Variants in GLIS3 observed in about 807,000 individuals in gnomAD.
GLIS3 encodes the protein zinc finger protein GLIS3.
In GLIS3, 53 loss-of-function variants were observed where a neutral mutation model predicts 78.6. The observed-to-expected ratio is 0.67, with a 90% CI of 0.54 to 0.85. The LOEUF (loss-of-function observed/expected upper bound fraction) is 0.85. Among genes scored for constraint, GLIS3 ranks in the 40% least tolerant of loss-of-function variants. The pLI is 0.00. For missense variants in GLIS3, 1,703 were observed against 1,231.1 expected (o/e 1.38, Z -5.74); for synonymous variants, 684 against 509.9 (o/e 1.34, Z -4.60).
chr9:4,229,104 T>C (rs1022399377), intron 2 of GLIS3, among the ~76,000 whole-genome samples: 1 of 152,166 alleles, frequency 6.6e-6, no homozygotes, highest in Non-Finnish European at 1.5e-5. Flanking sequence ...ACAGTGCGTA[T>C]GATATGCTAC....
intron 4 of GLIS3, among the ~76,000 whole-genome samples, chr9:3,980,336 G>A (rs752608314): frequency 6.6e-6 from 1 of 152,192 alleles, no homozygotes; most frequent in Non-Finnish European, 1.5e-5. Flanking sequence ...ACACCAAGAG[G>A]AGGCCCAGGT....
At chr9:4,032,317 G>A (rs1823906562) in intron 4 of GLIS3, among the ~76,000 whole-genome samples, 1 of 152,050 alleles carries the variant, frequency 6.6e-6, no homozygotes, top group Admixed American at 6.5e-5. Context: ...TCTAAAATCT[G>A]CATTCCAGCT....
At chr9:4,454,645 G>T in the GLIS3 span, among the ~76,000 whole-genome samples, 1 of 152,094 alleles carries the variant, frequency 6.6e-6, no homozygotes, top group Non-Finnish European at 1.5e-5. Flanking sequence ...TTCAGTAAAT[G>T]CATCTCTATT....
At chr9:3,975,822 C>T (rs867158496) in intron 4 of GLIS3, among the ~76,000 whole-genome samples, 38 of 152,110 alleles carry the variant, frequency 2.5e-4, no homozygotes, top group African/African-American at 9.2e-4. Context: ...TTCAAAACCT[C>T]TCTCTGCTTC....
chr9:4,125,979 T>A lies in GLIS3; in HGVS notation c.389-38A>T, dbSNP rs140633123. ...GAATCAGGTTAGCTTTCATGTCCCT[T>A]ACATCAGAAATCAGTAAATACAGAC... On this transcript the variant is annotated intron_variant, in intron 2 of 10. Coordinates refer to ENST00000381971, the MANE Select transcript of GLIS3 (RefSeq NM_001042413.2). 2.7e-6 allele frequency: 4 copies of A among 1,490,212 alleles called. No individual in the cohort carries two copies. The African/African-American group carries it at 5.5e-5, about 21-fold the overall frequency. The allele number at this position is 1,490,212 out of a possible 1,614,324, so 92.3% of individuals were successfully genotyped here. A position where few individuals can be genotyped will look rare whatever the true frequency, so the allele number is the denominator to read the frequency against.
intron 1 of GLIS3, chr9:4,298,415 G>A (rs1816790903): frequency 2.2e-6 from 1 of 455,320 alleles, no homozygotes; most frequent in African/African-American, 2.0e-5. Flanking sequence ...TGACAAATCA[G>A]CCAGGGCCAA....
At chr9:4,143,409 A>G (rs934570256) in intron 2 of GLIS3, among the ~76,000 whole-genome samples, 2 of 152,030 alleles carry the variant, frequency 1.3e-5, no homozygotes, top group African/African-American at 4.8e-5. Flanking sequence ...TCTACTAAAA[A>G]TACAAAAATT....
At chr9:4,398,938 T>G in the GLIS3 span, among the ~76,000 whole-genome samples, 1 of 152,118 alleles carries the variant, frequency 6.6e-6, no homozygotes, top group Admixed American at 6.5e-5. Context: ...CCACCTACCT[T>G]GGCCTCTCAA....
chr9:3,827,303 G>A lies in GLIS3; in HGVS notation c.*969C>T, dbSNP rs756499534. 6.6e-6 allele frequency: 1 copy of A among 152,244 alleles called. No homozygotes were observed. The highest frequency in any genetic ancestry group is 2.4e-5 in the African/African-American group (1 of 41,458). The allele number at this position is 152,244 out of a possible 1,614,324, so 9.4% of individuals were successfully genotyped here. A position where few individuals can be genotyped will look rare whatever the true frequency, so the allele number is the denominator to read the frequency against. ...CTGGCACATGACTCAGTCTGTCCCA[G>A]TTCTCACATCTGGCACTTCTCTGGG... On this transcript the variant is annotated 3_prime_UTR_variant, in exon 11 of 11. Transcript: ENST00000381971.
At chr9:4,480,803 G>C in the GLIS3 span, among the ~76,000 whole-genome samples, 48 of 147,776 alleles carry the variant, frequency 3.2e-4, no homozygotes, top group African/African-American at 1.2e-3. Flanking sequence ...ATATTTTCAA[G>C]TATACAAGTA....
At position 4,270,573 on chromosome 9, in the gene GLIS3, C is replaced by T. The variant is rs553440237; in HGVS notation, c.388+15465G>A. Among the ~76,000 whole-genome samples, 5 of 152,328 alleles carry T rather than the reference C, an allele frequency of 3.3e-5. No homozygotes were observed. In the East Asian group the frequency reaches 9.7e-4, roughly 29 times the overall value. On this transcript the variant is annotated intron_variant, in intron 2 of 10. Transcript: ENST00000381971. The stretch of plus-strand genomic sequence containing the variant: ...GGGTTGGACTGAGCCTCCAATTATT[C>T]TGTCTGCTGGCCAGAGGTCACACAG...
chr9:4,281,656 T>C (rs886993435), intron 2 of GLIS3, among the ~76,000 whole-genome samples: 2 of 152,364 alleles, frequency 1.3e-5, no homozygotes, highest in African/African-American at 2.4e-5. Context: ...TGTATGTATA[T>C]ACCACATTGG....
chr9:3,830,052 A>C (rs1293911421), intron 9 of GLIS3, among the ~76,000 whole-genome samples: 1 of 152,242 alleles, frequency 6.6e-6, no homozygotes, highest in African/African-American at 2.4e-5. Flanking sequence ...TCTATTGTTG[A>C]TCTTTGCAGT....
chr9:4,287,156 T>C (rs1022780062), intron 1 of GLIS3, among the ~76,000 whole-genome samples: 7 of 152,142 alleles, frequency 4.6e-5, no homozygotes, highest in East Asian at 1.9e-4. Context: ...TCCTGAGTTA[T>C]GGGGATGGGA....
At chr9:4,328,254 T>C (rs916090524) in intron 2 of GLIS3, among the ~76,000 whole-genome samples, 1 of 152,166 alleles carries the variant, frequency 6.6e-6, no homozygotes, top group Non-Finnish European at 1.5e-5. Flanking sequence ...ATGCCTCCTT[T>C]AGGGATTTCA....
intron 2 of GLIS3, among the ~76,000 whole-genome samples, chr9:4,344,756 G>A (rs553432273): frequency 1.4e-4 from 22 of 152,172 alleles, no homozygotes; most frequent in African/African-American, 5.1e-4. Context: ...CCTAAAATAG[G>A]TCCCTTACCA....
intron 4 of GLIS3, among the ~76,000 whole-genome samples, chr9:3,968,474 A>G: frequency 6.6e-6 from 1 of 152,230 alleles, no homozygotes; most frequent in East Asian, 1.9e-4. Flanking sequence ...TGAAAAATAC[A>G]TATACGTGTG....
At chr9:3,967,140 AT>A (rs35346858) in intron 4 of GLIS3, among the ~76,000 whole-genome samples, 13,004 of 151,748 alleles carry the variant, frequency 0.086, 595 homozygotes, top group Middle Eastern at 0.14. Flanking sequence ...TCTATCTGCC[AT>A]ACACCTGGCC....
intron 4 of GLIS3, among the ~76,000 whole-genome samples, chr9:4,072,573 G>T (rs541372113): frequency 3.9e-4 from 60 of 152,106 alleles, no homozygotes; most frequent in African/African-American, 1.2e-3. Flanking sequence ...TGAGCTATCA[G>T]GATTTGATTC....
Sources: gnomAD v4.1 joint callset for allele counts (sites outside exome capture counted in the v4.1 genomes callset) on GRCh38, gnomAD v4.1.1 for gene constraint, MANE v1.5 for transcripts, NCBI Gene and HGNC (gene_info 2026-07-23, HGNC 2026-07-21) for gene names.